Variants in SAMD4A observed in about 807,000 individuals in gnomAD.
The protein encoded by SAMD4A is sterile alpha motif domain containing 4A.
SAMD4A carries 33 observed loss-of-function variants against 81.3 expected under a neutral mutation model. That is an observed-to-expected ratio of 0.41 (90% CI 0.31 to 0.54). The LOEUF is 0.54. Among genes scored for constraint, SAMD4A ranks in the 20% least tolerant of loss-of-function variants. The probability of loss-of-function intolerance (pLI) is 0.37; values close to 1 mark genes in which losing one functional copy is unlikely to be tolerated. For missense variants in SAMD4A, 854 were observed against 951.1 expected, an observed-to-expected ratio of 0.90 and a Z score of 1.34; for synonymous variants, 389 against 382.1, an observed-to-expected ratio of 1.02 and a Z score of -0.21.
At chr14:54,617,800 C>T (rs1229092404) in intron 2 of SAMD4A, among the ~76,000 whole-genome samples, 1 of 152,206 alleles carries the variant, frequency 6.6e-6, no homozygotes, top group African/African-American at 2.4e-5. Context: ...TCTCTGCACT[C>T]ATAACCATGC....
intron 6 of SAMD4A, among the ~76,000 whole-genome samples, chr14:54,757,693 G>A (rs778472823): frequency 1.1e-4 from 16 of 152,132 alleles, no homozygotes; most frequent in East Asian, 1.9e-4. Flanking sequence ...TCACCCCAGC[G>A]TGGCTTTCCT....
upstream of SAMD4A, among the ~76,000 whole-genome samples, chr14:54,565,366 G>T (rs1185201666): frequency 6.6e-6 from 1 of 152,260 alleles, no homozygotes; most frequent in Non-Finnish European, 1.5e-5. This position sits in a 1 kb window ranked among gnomAD's most constrained non-coding sequence, Gnocchi z 5.4. Flanking sequence ...GGTCTCAGGA[G>T]TTCGGCCACC....
intron 2 of SAMD4A, among the ~76,000 whole-genome samples, chr14:54,686,521 T>A (rs1313682432): frequency 1.3e-5 from 2 of 151,410 alleles, no homozygotes; most frequent in Admixed American, 1.3e-4. Flanking sequence ...TTTGTTTTTG[T>A]CTCTTGGTGT....
intron 6 of SAMD4A, among the ~76,000 whole-genome samples, chr14:54,759,662 G>T (rs971659221): frequency 2.6e-5 from 4 of 152,200 alleles, no homozygotes; most frequent in East Asian, 3.8e-4. Flanking sequence ...GGGAGTGCAA[G>T]AATCCAAACC....
chr14:54,636,589 G>A (rs1342995746), intron 2 of SAMD4A, among the ~76,000 whole-genome samples: 1 of 152,196 alleles, frequency 6.6e-6, no homozygotes, highest in African/African-American at 2.4e-5. Flanking sequence ...AAGAGATGAT[G>A]GCGGCTCACA....
At chr14:54,656,859 G>C (rs2035531549) in intron 2 of SAMD4A, among the ~76,000 whole-genome samples, 1 of 152,040 alleles carries the variant, frequency 6.6e-6, no homozygotes, top group Admixed American at 6.5e-5. Flanking sequence ...CACCCGCTTT[G>C]GCCTCTCAAA....
chr14:54,634,169 C>A (rs1335327281), intron 2 of SAMD4A, among the ~76,000 whole-genome samples: 1 of 151,364 alleles, frequency 6.6e-6, no homozygotes, highest in African/African-American at 2.4e-5. Flanking sequence ...GCCTGTAATC[C>A]CAGCTACTCG....
intron 2 of SAMD4A, among the ~76,000 whole-genome samples, chr14:54,624,782 T>TG (rs1287990770): frequency 6.7e-6 from 1 of 148,564 alleles, no homozygotes; most frequent in East Asian, 1.9e-4. Context: ...AGAGATTTTT[T>TG]TTTTTGTTGT....
intron 2 of SAMD4A, among the ~76,000 whole-genome samples, chr14:54,602,323 TACACACACACACACACACACACACACAC>T (rs3049830): frequency 2.2e-5 from 3 of 136,556 alleles, no homozygotes; most frequent in African/African-American, 8.1e-5. Context: ...TGCTTTAAAA[TACACACACACACACACACACACACACAC>T]ACACACACAC....
In SAMD4A at chr14:54,606,718, A is replaced by T. The variant is rs141017511; in HGVS notation, c.196+38606A>T. Among the ~76,000 whole-genome samples the T allele has an allele frequency of 1.0e-3, 156 of 152,368 alleles. 1 individual carries two copies. Among genetic ancestry groups the T allele is most frequent in the African/African-American group, 3.5e-3 (146 of 41,584 alleles). On this transcript the variant is annotated intron_variant, in intron 2 of 12. Transcript: ENST00000554335. The stretch of plus-strand genomic sequence containing the variant: ...AGTCCAATGAGATTTAGTGACTCAG[A>T]GAATTCTTAATTTAGCAAGCTACAT...
intron 11 of SAMD4A, among the ~76,000 whole-genome samples, chr14:54,783,783 C>T (rs2039063401): frequency 6.6e-6 from 1 of 152,154 alleles, no homozygotes; most frequent in Admixed American, 6.5e-5. Context: ...CACCTAAAGC[C>T]CCCCACGTGG....
chr14:54,625,506 A>T (rs1449131441), intron 2 of SAMD4A, among the ~76,000 whole-genome samples: 2 of 152,180 alleles, frequency 1.3e-5, no homozygotes, highest in Non-Finnish European at 2.9e-5. Context: ...AGCCATTTTG[A>T]TTTGTTTGTG....
intron 3 of SAMD4A, among the ~76,000 whole-genome samples, chr14:54,723,908 A>G (rs928924705): frequency 6.6e-6 from 1 of 152,080 alleles, no homozygotes; most frequent in Non-Finnish European, 1.5e-5. Flanking sequence ...GCATCTTCCC[A>G]TACATCATTT....
chr14:54,663,547 T>C lies in SAMD4A; in HGVS notation c.197-38515T>C, dbSNP rs1020231911. 3.3e-5 allele frequency among the ~76,000 whole-genome samples: 5 copies of C among 152,306 alleles called. No homozygotes were observed. The East Asian group carries it at 7.7e-4, about 23-fold the overall frequency. On this transcript the variant is annotated intron_variant, in intron 2 of 12. Transcript: ENST00000554335. ...TTCTCTACTTAGCTTGACTACTTTT[T>C]TTTCTGTCCTATTTGTAGCATTGTA...
chr14:54,598,737 C>G (rs2033977455), intron 2 of SAMD4A, among the ~76,000 whole-genome samples: 1 of 152,086 alleles, frequency 6.6e-6, no homozygotes, highest in Non-Finnish European at 1.5e-5. Context: ...ACAAAATAGA[C>G]AATCTGTTAT....
rs1314397596 is a variant in SAMD4A, at chr14:54,702,417, T to G, written c.552T>G (p.Asp184Glu). The change falls in exon 3 of 13, where the codon GAT becomes GAG. Residue 184 changes from aspartate (D) to glutamate (E), a missense_variant. By Grantham distance (45) the Asp-to-Glu change is conservative. Coordinates refer to ENST00000554335, the MANE Select transcript of SAMD4A (RefSeq NM_015589.6). ...ACTATCACCAAAGACAGAACTCTGATGACAAGCTCAATGGGTGGCAGAACT... is the reference window on the plus strand; with the variant it reads ...ACTATCACCAAAGACAGAACTCTGAGGACAAGCTCAATGGGTGGCAGAACT... ...THYYHQRQNS[D>E]DKLNGWQNSR... The G allele has an allele frequency of 6.2e-7, 1 of 1,614,198 alleles. No individual in the cohort carries two copies. The highest frequency in any genetic ancestry group is 1.1e-5 in the South Asian group (1 of 91,082).
chr14:54,711,075 C>A (rs954029705), intron 3 of SAMD4A, among the ~76,000 whole-genome samples: 1 of 152,224 alleles, frequency 6.6e-6, no homozygotes, highest in South Asian at 2.1e-4. Flanking sequence ...GTCTGCCCAC[C>A]CTGCCATAAA....
Position 54,790,115 on chromosome 14 carries a change from C to T in SAMD4A, c.*1171C>T, listed in dbSNP as rs2039234253. ...AGAGGTTTGATACCCAGAAAATGAG[C>T]TCAAAACCTTTACATTAGGGTTGCT... is the stretch of plus-strand genomic sequence containing the variant. On this transcript the variant is annotated 3_prime_UTR_variant, in exon 13 of 13. Coordinates refer to ENST00000554335, the MANE Select transcript of SAMD4A (RefSeq NM_015589.6). 1 of 152,178 alleles carries T rather than the reference C, an allele frequency of 6.6e-6. No individual in the cohort carries two copies. Among genetic ancestry groups the T allele is most frequent in the African/African-American group, 2.4e-5 (1 of 41,432 alleles). The allele number at this position is 152,178 out of a possible 1,614,324, so 9.4% of individuals were successfully genotyped here.
At chr14:54,565,348 C>T (rs569098244), upstream of SAMD4A, among the ~76,000 whole-genome samples, 12 of 152,376 alleles carry the variant, frequency 7.9e-5, no homozygotes, top group African/African-American at 2.4e-4. This position sits in a 1 kb window ranked among gnomAD's most constrained non-coding sequence, Gnocchi z 5.4. Flanking sequence ...GGCACAGCTC[C>T]CCCGACCGGT....
Sources: gnomAD v4.1 joint callset for allele counts (sites outside exome capture counted in the v4.1 genomes callset) on GRCh38, gnomAD v4.1.1 for gene constraint, Gnocchi (gnomAD v3.1) non-coding constraint, MANE v1.5 for transcripts, NCBI Gene and HGNC (gene_info 2026-07-23, HGNC 2026-07-21) for gene names.